The following FSAF1 variants were observed in gnomAD, a reference collection of about 807,000 sequenced individuals.
The protein encoded by FSAF1 is 40S small subunit processome assembly factor 1.
chr1:231,225,472 T>C, the FSAF1 span: 1 of 1,613,582 alleles, frequency 6.2e-7, no homozygotes, highest in Non-Finnish European at 8.5e-7. Context: ...ATCACTCACC[T>C]GTCCTCCTGT....
chr1:231,235,007 T>C, the FSAF1 span, among the ~76,000 whole-genome samples: 1 of 152,226 alleles, frequency 6.6e-6, no homozygotes, highest in Non-Finnish European at 1.5e-5. Flanking sequence ...TTGTTTATAA[T>C]TCTTTCTAAT....
chr1:231,233,063 G>A, the FSAF1 span, among the ~76,000 whole-genome samples: 15 of 152,338 alleles, frequency 9.8e-5, no homozygotes, highest in Middle Eastern at 3.4e-3. Flanking sequence ...AGTAAGAAGA[G>A]GCACTGGAGC....
the FSAF1 span, chr1:231,225,886 C>T: frequency 0.031 from 6,726 of 217,508 alleles, 143 homozygotes; most frequent in South Asian, 0.05. Context: ...TAGTCTTACA[C>T]TGAAAGCTCA....
the FSAF1 span, chr1:231,239,048 C>T: frequency 1.9e-6 from 3 of 1,614,172 alleles, no homozygotes; most frequent in Non-Finnish European, 2.5e-6. Flanking sequence ...AAGCTCGAAG[C>T]GCTCTTCCTC....
the FSAF1 span, among the ~76,000 whole-genome samples, chr1:231,236,090 T>C: frequency 6.6e-6 from 1 of 152,344 alleles, no homozygotes; most frequent in South Asian, 2.1e-4. Context: ...TTAACTGTCC[T>C]ACAATGGCTT....
the FSAF1 span, chr1:231,227,013 C>G: frequency 1.2e-6 from 2 of 1,614,174 alleles, no homozygotes; most frequent in Non-Finnish European, 1.7e-6. Context: ...TTCCAGGATT[C>G]TCTCCTTTCC....
At chr1:231,229,139 A>C in the FSAF1 span, 1 of 1,495,802 alleles carries the variant, frequency 6.7e-7, no homozygotes, top group Admixed American at 1.8e-5. Flanking sequence ...TAACAATCTC[A>C]AAGTACATAC....
the FSAF1 span, chr1:231,224,254 T>C: frequency 6.3e-7 from 1 of 1,600,000 alleles, no homozygotes. Context: ...GTTGTTCCCA[T>C]CCTCGTTTTA....
the FSAF1 span, chr1:231,240,972 C>G: frequency 8.5e-6 from 13 of 1,526,432 alleles, no homozygotes; most frequent in Admixed American, 2.2e-4. This position sits in a 1 kb window ranked among gnomAD's most constrained non-coding sequence, Gnocchi z 4.1. Flanking sequence ...CACAGGAGAC[C>G]CACGTTCCTC....
the FSAF1 span, among the ~76,000 whole-genome samples, chr1:231,232,041 T>C: frequency 2.6e-5 from 4 of 152,070 alleles, no homozygotes; most frequent in Non-Finnish European, 4.4e-5. Flanking sequence ...ACACAAACTT[T>C]TGGGAAAAAA....
chr1:231,229,108 TA>T, the FSAF1 span: 21 of 1,187,194 alleles, frequency 1.8e-5, no homozygotes, highest in African/African-American at 3.3e-4. Flanking sequence ...ATACTGTAAA[TA>T]AAGTTAATTA....
chr1:231,228,598 C>CAA, the FSAF1 span, among the ~76,000 whole-genome samples: 38,511 of 102,408 alleles, frequency 0.38, 5,775 homozygotes, highest in Admixed American at 0.45. Context: ...GACTCTGCCT[C>CAA]AAAAAAAAAA....
At chr1:231,232,641 C>T in the FSAF1 span, among the ~76,000 whole-genome samples, 4 of 152,086 alleles carry the variant, frequency 2.6e-5, no homozygotes, top group African/African-American at 9.7e-5. Flanking sequence ...CCTTACTATC[C>T]CACACAAGGG....
the FSAF1 span, among the ~76,000 whole-genome samples, chr1:231,232,707 G>T: frequency 6.6e-6 from 1 of 152,176 alleles, no homozygotes; most frequent in East Asian, 1.9e-4. Flanking sequence ...GAAGAAGGAA[G>T]AAAAGCTAGA....
the FSAF1 span, among the ~76,000 whole-genome samples, chr1:231,235,402 G>C: frequency 1.3e-5 from 2 of 151,856 alleles, no homozygotes; most frequent in Non-Finnish European, 2.9e-5. Flanking sequence ...GAGGCTGAGG[G>C]AGGAGAATCG....
the FSAF1 span, among the ~76,000 whole-genome samples, chr1:231,231,316 C>T: frequency 3.3e-5 from 5 of 152,182 alleles, no homozygotes; most frequent in African/African-American, 1.2e-4. Context: ...CTGCCATGCA[C>T]ATCTAATCTA....
chr1:231,239,018 C>A, the FSAF1 span: 4 of 1,614,186 alleles, frequency 2.5e-6, no homozygotes, highest in Non-Finnish European at 3.4e-6. Context: ...CAATGCCGCT[C>A]TTCTCTAAGT....
the FSAF1 span, chr1:231,237,681 G>C: frequency 6.6e-6 from 1 of 152,210 alleles, no homozygotes; most frequent in Admixed American, 6.5e-5. Flanking sequence ...TTGGACTTCT[G>C]GACTACGGAA....
chr1:231,229,782 G>A, the FSAF1 span, among the ~76,000 whole-genome samples: 1 of 152,142 alleles, frequency 6.6e-6, no homozygotes, highest in Non-Finnish European at 1.5e-5. Flanking sequence ...AATACCCAGA[G>A]GAGTCAAATT....
Sources: allele counts gnomAD v4.1 joint callset (sites outside exome capture counted in the v4.1 genomes callset), GRCh38; gene constraint gnomAD v4.1.1; non-coding constraint Gnocchi (gnomAD v3.1); transcripts MANE v1.5; gene names NCBI Gene and HGNC (gene_info 2026-07-23, HGNC 2026-07-21).